EBF4: variants seen among roughly 807,000 people sequenced by gnomAD.
EBF4 encodes the protein transcription factor COE4.
In EBF4, 34 loss-of-function variants were observed where a neutral mutation model predicts 67.1. That is an observed-to-expected ratio of 0.51 (90% CI 0.39 to 0.67). EBF4 has a LOEUF of 0.67. Among genes scored for constraint, EBF4 ranks in the 30% least tolerant of loss-of-function variants. The probability of loss-of-function intolerance (pLI) is 0.00; values close to 1 mark genes in which losing one functional copy is unlikely to be tolerated. For missense variants in EBF4, 837 were observed against 873.3 expected, an observed-to-expected ratio of 0.96 and a Z score of 0.52; for synonymous variants, 387 against 377.7, an observed-to-expected ratio of 1.02 and a Z score of -0.29.
In EBF4 at chr20:2,707,950, A is replaced by G. The variant is rs1174665050; in HGVS notation, c.418A>G (p.Ile140Val). 18 of 1,597,384 alleles carry G rather than the reference A, an allele frequency of 1.1e-5. No homozygotes were observed. Among genetic ancestry groups the G allele is most frequent in the Non-Finnish European group, 1.5e-5 (18 of 1,171,270 alleles). Residue 140 changes from isoleucine to valine, a missense_variant, in exon 5 of 17, where the codon ATC (isoleucine) becomes GTC (valine). Physicochemically the swap from Ile to Val is conservative, Grantham distance 29 (BLOSUM62 3). Coordinates refer to ENST00000609451, the Ensembl canonical transcript of EBF4. This position sits in a 1 kb window ranked among gnomAD's most constrained non-coding sequence, Gnocchi z 4.6. The stretch of plus-strand genomic sequence containing the variant: ...CTGTGCACCTCCCTCTCCCCAGGCC[A>G]TCATCTATGAGGGGCAGGACAAGAA...
rs2088286918 is a variant in EBF4, at chr20:2,759,035, G to A, written c.*5+51G>A. 8.0e-6 allele frequency: 12 copies of A among 1,504,510 alleles called. No individual in the cohort carries two copies. In the South Asian group the frequency reaches 1.4e-4, roughly 18 times the overall value. The allele number at this position is 1,504,510 out of a possible 1,614,324, so 93.2% of individuals were successfully genotyped here. A position where few individuals can be genotyped will look rare whatever the true frequency, so the allele number is the denominator to read the frequency against. ...CCCCCGCCCCACCTGGCCCTGAGATGTGCTTGCTCTCTAAAGGCCTTCATC... is the reference window on the plus strand; with the variant it reads ...CCCCCGCCCCACCTGGCCCTGAGATATGCTTGCTCTCTAAAGGCCTTCATC... On this transcript the variant is annotated intron_variant, in intron 16 of 16. Coordinates refer to ENST00000609451, the Ensembl canonical transcript of EBF4.
chr20:2,716,081 G>A (rs1222229959), intron 6 of EBF4, among the ~76,000 whole-genome samples: 1 of 151,900 alleles, frequency 6.6e-6, no homozygotes, highest in East Asian at 1.9e-4. Context: ...AATCTTGCCA[G>A]GCACAATAGC....
intron 6 of EBF4, among the ~76,000 whole-genome samples, chr20:2,721,246 C>CTTTTTTTTTTTTTTTTTTTTTTTTTTTTT (rs146844927): frequency 9.2e-6 from 1 of 108,122 alleles, no homozygotes; most frequent in Admixed American, 1.0e-4. Context: ...TGATTCTCTT[C>CTTTTTTTTTTTTTTTTTTTTTTTTTTTTT]TTTTTTTTTT....
intron 6 of EBF4, 137 bp from the exon 7 acceptor site, chr20:2,748,412 A>G: frequency 2.6e-6 from 2 of 769,088 alleles, no homozygotes; most frequent in Non-Finnish European, 4.2e-6. Flanking sequence ...CCATGATGGG[A>G]ATATGGGATG....
At position 2,747,318 on chromosome 20, in the gene EBF4, A is replaced by AAC. The variant is rs1555788987; in HGVS notation, c.558-1230_558-1229insCA. ...TCTCAAAACAAAAAACAAAACAAAC[A>AAC]AAAAAAAAAAAACAGGAAAAAAAAG... On this transcript the variant is annotated intron_variant, in intron 6 of 16. Coordinates refer to ENST00000609451, the Ensembl canonical transcript of EBF4. The surrounding 1 kb of genome is among the most constrained non-coding windows in gnomAD (Gnocchi z 4.6). Among the ~76,000 whole-genome samples the AAC allele has an allele frequency of 1.0e-5, 1 of 99,824 alleles. No homozygotes were observed. Among genetic ancestry groups the AAC allele is most frequent in the Non-Finnish European group, 2.0e-5 (1 of 48,966 alleles). 65.5% of individuals were successfully genotyped at this position (99,824 alleles called of 152,430 possible).
chr20:2,752,256 C>CCG lies in EBF4; in HGVS notation c.1344_1345insCG (p.Glu449ArgfsTer99). 7.9e-7 allele frequency: 1 copy of CCG among 1,267,736 alleles called. No homozygotes were observed. Among genetic ancestry groups the CCG allele is most frequent in the African/African-American group, 1.6e-5 (1 of 64,184 alleles). 78.5% of individuals were successfully genotyped at this position (1,267,736 alleles called of 1,614,324 possible). ...CCGTCGGGGACGCCACCCCGGGGCC[C>CCG]GAGCCGGGTGCGTGGGCCGCGCCTC... On this transcript the variant is annotated frameshift_variant, in exon 13 of 17. Coordinates refer to ENST00000609451, the Ensembl canonical transcript of EBF4. LOFTEE classifies it high-confidence loss of function.
chr20:2,697,880 A>G (rs1456913860), intron 1 of EBF4, among the ~76,000 whole-genome samples: 3 of 151,922 alleles, frequency 2.0e-5, no homozygotes, highest in Non-Finnish European at 4.4e-5. Context: ...CCCAGGCCAG[A>G]CCTCCCCCTG....
At chr20:2,703,178 G>A (rs1461348582) in intron 1 of EBF4, among the ~76,000 whole-genome samples, 1 of 150,634 alleles carries the variant, frequency 6.6e-6, no homozygotes, top group African/African-American at 2.4e-5. Context: ...GATTGCCTGA[G>A]TCCCAGAGGT....
At chr20:2,693,386 C>G (rs1190544634), upstream of EBF4, among the ~76,000 whole-genome samples, 1 of 151,482 alleles carries the variant, frequency 6.6e-6, no homozygotes, top group Non-Finnish European at 1.5e-5. The surrounding 1 kb of genome is among the most constrained non-coding windows in gnomAD (Gnocchi z 4.6). Context: ...GCTCGCAGTC[C>G]GCCCGCCAGC....
intron 6 of EBF4, among the ~76,000 whole-genome samples, chr20:2,728,278 C>T (rs1011963389): frequency 2.0e-5 from 3 of 152,188 alleles, no homozygotes; most frequent in Non-Finnish European, 2.9e-5. Context: ...TTCCACCACT[C>T]TCATGAAATA....
At chr20:2,729,433 A>G (rs543969532) in intron 6 of EBF4, among the ~76,000 whole-genome samples, 6 of 152,260 alleles carry the variant, frequency 3.9e-5, no homozygotes, top group Non-Finnish European at 8.8e-5. Flanking sequence ...TAAACTTCAC[A>G]AGTATGAATT....
At chr20:2,752,687 C>T (rs891534556) in intron 14 of EBF4, 142 bp downstream of exon 14, 10 of 719,634 alleles carry the variant, frequency 1.4e-5, no homozygotes, top group Non-Finnish European at 1.5e-5. Flanking sequence ...TCAGGCCCAC[C>T]GTCCCCGCCT....
intron 6 of EBF4, among the ~76,000 whole-genome samples, chr20:2,738,576 C>T (rs907450988): frequency 1.7e-4 from 26 of 152,202 alleles, no homozygotes; most frequent in African/African-American, 6.0e-4. Context: ...AGAGGCCTCC[C>T]ATTAGTGGCC....
At chr20:2,731,582 G>C (rs1381867275) in intron 6 of EBF4, among the ~76,000 whole-genome samples, 3 of 152,148 alleles carry the variant, frequency 2.0e-5, no homozygotes, top group African/African-American at 7.2e-5. Context: ...AGACTCAGAG[G>C]GTTCTATCAT....
Position 2,705,560 on chromosome 20 carries a change from C to T in EBF4, c.138-17C>T. The T allele has an allele frequency of 6.4e-7, 1 of 1,551,722 alleles. No homozygotes were observed. Among genetic ancestry groups the T allele is most frequent in the Non-Finnish European group, 8.7e-7 (1 of 1,147,012 alleles). On this transcript the variant is annotated splice_polypyrimidine_tract_variant and intron_variant, in intron 1 of 16. Transcript: ENST00000609451. ...GGGGGGCCTTCCAGTGGTTTTCCAGCTCTTTTCCTCCCACAGTGGCGTGGG... is the reference window on the plus strand; with the variant it reads ...GGGGGGCCTTCCAGTGGTTTTCCAGTTCTTTTCCTCCCACAGTGGCGTGGG...
intron 1 of EBF4, among the ~76,000 whole-genome samples, chr20:2,701,236 G>T (rs966889235): frequency 6.6e-6 from 1 of 152,234 alleles, no homozygotes; most frequent in Non-Finnish European, 1.5e-5. Flanking sequence ...GCTCTGGGCT[G>T]CCTCGGGGCA....
At chr20:2,752,459 G>T in exon 14 of EBF4, 1 of 1,270,238 alleles carries the variant, frequency 7.9e-7, no homozygotes. Context: ...GGCCTGGGCG[G>T]CTACGGCGCG....
chr20:2,742,971 A>C (rs1175829350), intron 6 of EBF4, among the ~76,000 whole-genome samples: 1 of 151,988 alleles, frequency 6.6e-6, no homozygotes, highest in East Asian at 1.9e-4. Flanking sequence ...TTTCAAGGGG[A>C]ACACCTGCCC....
chr20:2,705,838 C>CAT (rs2087448929), intron 2 of EBF4, 105 bp downstream of exon 2: 1 of 1,368,610 alleles, frequency 7.3e-7, no homozygotes, highest in African/African-American at 1.6e-5. Context: ...CACACACACA[C>CAT]TGGGACAGAT....
Sources: gnomAD v4.1 joint callset for allele counts (sites outside exome capture counted in the v4.1 genomes callset) on GRCh38, gnomAD v4.1.1 for gene constraint, Gnocchi (gnomAD v3.1) non-coding constraint, MANE v1.5 for transcripts, NCBI Gene and HGNC (gene_info 2026-07-23, HGNC 2026-07-21) for gene names.